Variants in STXBP5L observed in about 807,000 individuals in gnomAD.
STXBP5L encodes the protein syntaxin binding protein 5L, also known as syntaxin-binding protein 5-like.
STXBP5L carries 65 observed loss-of-function variants against 144.5 expected under a neutral mutation model. The ratio of observed to expected loss-of-function variants is 0.45; its 90% CI spans 0.37 to 0.55. STXBP5L has a LOEUF of 0.55. Among genes scored for constraint, STXBP5L ranks in the 20% least tolerant of loss-of-function variants. STXBP5L has a pLI of 0.00. For missense variants in STXBP5L, 1,298 were observed against 1,405.5 expected (o/e 0.92, Z 1.22); for synonymous variants, 505 against 469.6 (o/e 1.08, Z -0.97).
intron 3 of STXBP5L, among the ~76,000 whole-genome samples, chr3:120,989,907 A>T (rs1228808121): frequency 6.6e-6 from 1 of 152,182 alleles, no homozygotes; most frequent in African/African-American, 2.4e-5. Context: ...CAAGACAGGG[A>T]TGCCCTCTCT....
chr3:120,951,613 T>A (rs1284208800), intron 2 of STXBP5L, among the ~76,000 whole-genome samples: 1 of 152,094 alleles, frequency 6.6e-6, no homozygotes, highest in Non-Finnish European at 1.5e-5. Flanking sequence ...AGATATCATC[T>A]CACACCAGTT....
chr3:121,197,594 A>G (rs758409432), intron 9 of STXBP5L, among the ~76,000 whole-genome samples: 2 of 152,082 alleles, frequency 1.3e-5, no homozygotes, highest in African/African-American at 2.4e-5. Context: ...CTGTCAACCC[A>G]TCATCTAGGT....
intron 2 of STXBP5L, among the ~76,000 whole-genome samples, chr3:120,926,432 T>C (rs1203235902): frequency 2.7e-5 from 4 of 150,634 alleles, no homozygotes; most frequent in Non-Finnish European, 4.4e-5. Flanking sequence ...GGATTAAACC[T>C]CCTTTTTATG....
intron 9 of STXBP5L, among the ~76,000 whole-genome samples, chr3:121,200,630 T>G (rs2048102149): frequency 6.6e-6 from 1 of 152,214 alleles, no homozygotes; most frequent in South Asian, 2.1e-4. Context: ...CTATAAATTC[T>G]GCTCTTAACA....
chr3:120,964,994 C>T (rs1038805929), intron 3 of STXBP5L, among the ~76,000 whole-genome samples: 2 of 152,192 alleles, frequency 1.3e-5, no homozygotes, highest in African/African-American at 2.4e-5. Flanking sequence ...GTTAGCTCTT[C>T]TTGTTGAATT....
intron 3 of STXBP5L, among the ~76,000 whole-genome samples, chr3:120,989,362 A>G (rs1217033736): frequency 1.3e-5 from 2 of 152,102 alleles, no homozygotes; most frequent in Non-Finnish European, 2.9e-5. Flanking sequence ...CTGTGGTTTA[A>G]TTTGTATTAT....
chr3:120,968,540 A>G, intron 3 of STXBP5L, among the ~76,000 whole-genome samples: 1 of 152,142 alleles, frequency 6.6e-6, no homozygotes. Flanking sequence ...TGGATGTTTT[A>G]AAAATCCATT....
rs199578909 is a variant in STXBP5L at position 121,401,022 on chromosome 3, A to AT, written c.2588-6211dup. ...ACCTTCAATGGTACCTCTTCTCCCA[A>AT]TTTTTTTTTTATATGTTTTGCTCAT... On this transcript the variant is annotated intron_variant, in intron 22 of 26. Coordinates refer to ENST00000471454, the MANE Select transcript of STXBP5L (RefSeq NM_001308330.2). Among the ~76,000 whole-genome samples, 239 of 150,000 alleles carry AT rather than the reference A, an allele frequency of 1.6e-3. 1 individual carries two copies. The highest frequency in any genetic ancestry group is 3.4e-3 in the Middle Eastern group (1 of 290).
intron 6 of STXBP5L, among the ~76,000 whole-genome samples, chr3:121,116,846 TAAA>T (rs1412059993): frequency 1.3e-5 from 2 of 152,080 alleles, no homozygotes; most frequent in East Asian, 3.9e-4. Flanking sequence ...AGGATATTGA[TAAA>T]AACATACAGG....
chr3:121,124,929 C>A (rs539476554), intron 7 of STXBP5L, among the ~76,000 whole-genome samples: 1 of 152,040 alleles, frequency 6.6e-6, no homozygotes, highest in Non-Finnish European at 1.5e-5. Context: ...AACATTCCAC[C>A]TATTTCCAAT....
At chr3:121,346,106 C>T (rs1208227759) in intron 20 of STXBP5L, among the ~76,000 whole-genome samples, 3 of 141,440 alleles carry the variant, frequency 2.1e-5, no homozygotes, top group African/African-American at 5.2e-5. Context: ...CCTCTCCCCT[C>T]CCCCGACCCC....
At chr3:121,034,741 T>C (rs1576727998) in intron 3 of STXBP5L, among the ~76,000 whole-genome samples, 1 of 152,190 alleles carries the variant, frequency 6.6e-6, no homozygotes. Context: ...AGATACCTAA[T>C]ATTGGGATTG....
chr3:121,375,736 G>A (rs1560035175), intron 20 of STXBP5L, among the ~76,000 whole-genome samples: 1 of 152,106 alleles, frequency 6.6e-6, no homozygotes, highest in Non-Finnish European at 1.5e-5. Flanking sequence ...TCCAGGAAAT[G>A]TACAATTATA....
At chr3:121,094,820 G>A (rs1403392303) in intron 5 of STXBP5L, among the ~76,000 whole-genome samples, 2 of 151,910 alleles carry the variant, frequency 1.3e-5, no homozygotes, top group Admixed American at 6.6e-5. Context: ...TCATTATGAT[G>A]TTAGGTGGTT....
chr3:121,104,343 A>G (rs988581563), intron 5 of STXBP5L, among the ~76,000 whole-genome samples: 4 of 152,204 alleles, frequency 2.6e-5, no homozygotes, highest in Admixed American at 2.6e-4. Flanking sequence ...TACAGATTCA[A>G]TGCAATTCCC....
intron 3 of STXBP5L, among the ~76,000 whole-genome samples, chr3:120,977,699 T>A (rs1941239453): frequency 6.6e-6 from 1 of 152,180 alleles, no homozygotes; most frequent in African/African-American, 2.4e-5. Flanking sequence ...TTTCTTTCCA[T>A]GTTTAGTGCT....
chr3:121,079,184 A>T (rs1027448664), intron 5 of STXBP5L, among the ~76,000 whole-genome samples: 1 of 152,186 alleles, frequency 6.6e-6, no homozygotes, highest in Non-Finnish European at 1.5e-5. Flanking sequence ...ACATATGTCC[A>T]GAAAGTCTGA....
chr3:121,330,758 C>A (rs1394968405), intron 20 of STXBP5L, among the ~76,000 whole-genome samples: 1 of 152,176 alleles, frequency 6.6e-6, no homozygotes, highest in Non-Finnish European at 1.5e-5. Context: ...TTGTGCATGA[C>A]CTCAGCTACC....
chr3:121,268,430 A>G (rs1170684015), intron 18 of STXBP5L, among the ~76,000 whole-genome samples: 1 of 152,170 alleles, frequency 6.6e-6, no homozygotes, highest in Non-Finnish European at 1.5e-5. Context: ...GGGGAGGGGT[A>G]GCATTAGGAG....
Sources: allele counts gnomAD v4.1 joint callset (sites outside exome capture counted in the v4.1 genomes callset), GRCh38; gene constraint gnomAD v4.1.1; transcripts MANE v1.5; gene names NCBI Gene and HGNC (gene_info 2026-07-23, HGNC 2026-07-21).